Variants in ABHD12 observed in about 807,000 individuals in gnomAD.
The protein encoded by ABHD12 is abhydrolase domain containing 12, lysophospholipase, also known as lysophosphatidylserine lipase ABHD12.
In ABHD12, 43 loss-of-function variants were observed where a neutral mutation model predicts 58.3. That is an observed-to-expected ratio of 0.74 (90% CI 0.58 to 0.95). ABHD12 has a LOEUF of 0.95. Among genes scored for constraint, ABHD12 ranks in the 40% least tolerant of loss-of-function variants. The probability of loss-of-function intolerance (pLI) is 0.00; values close to 1 mark genes in which losing one functional copy is unlikely to be tolerated. For synonymous variants in ABHD12, 219 were observed against 211.2 expected (o/e 1.04, Z -0.32); for missense variants, 539 against 537.2 (o/e 1.00, Z -0.03).
At chr20:25,347,662 TA>T (rs36051321) in intron 1 of ABHD12, among the ~76,000 whole-genome samples, 89,429 of 149,690 alleles carry the variant, frequency 0.6, 27,592 homozygotes, top group African/African-American at 0.72. Context: ...TCTGTCTCTA[TA>T]AAAAAAAAAA....
chr20:25,317,164 G>A (rs1432740416), intron 4 of ABHD12, 86 bp from the exon 5 acceptor site: 4 of 890,700 alleles, frequency 4.5e-6, no homozygotes, highest in Non-Finnish European at 7.4e-6. Context: ...CCAAACCAGG[G>A]GGAGGCCAAT....
At position 25,306,931 on chromosome 20, in the gene ABHD12, A is replaced by G. The variant is rs2088754437; in HGVS notation, c.868-16T>C. 6.3e-7 allele frequency: 1 copy of G among 1,583,774 alleles called. No individual in the cohort carries two copies. Among genetic ancestry groups the G allele is most frequent in the African/African-American group, 1.3e-5 (1 of 74,474 alleles). The stretch of plus-strand genomic sequence containing the variant: ...ATCGATATATCTGGAGACAAGATGG[A>G]AACCATTTTCAGAAGCGTTGGTTAA... On this transcript the variant is annotated splice_polypyrimidine_tract_variant and intron_variant, in intron 9 of 12. Transcript: ENST00000339157.
At chr20:25,349,245 T>C (rs921917766) in intron 1 of ABHD12, among the ~76,000 whole-genome samples, 6 of 152,080 alleles carry the variant, frequency 3.9e-5, no homozygotes, top group Non-Finnish European at 8.8e-5. Context: ...GTTTCAAATA[T>C]GAAGAGATAC....
intron 1 of ABHD12, 39 bp downstream of exon 1, chr20:25,390,474 C>CGGGGG: frequency 1.9e-6 from 2 of 1,079,066 alleles, no homozygotes; most frequent in Non-Finnish European, 2.3e-6. Context: ...AAGTGAGGGA[C>CGGGGG]CGGCCCCCCC....
chr20:25,379,281 A>G (rs1341945707), intron 1 of ABHD12, among the ~76,000 whole-genome samples: 1 of 152,194 alleles, frequency 6.6e-6, no homozygotes, highest in Non-Finnish European at 1.5e-5. Flanking sequence ...TAAAAACATT[A>G]AATGTCAGAA....
At chr20:25,360,158 T>A (rs1018794973) in intron 1 of ABHD12, among the ~76,000 whole-genome samples, 1 of 151,636 alleles carries the variant, frequency 6.6e-6, no homozygotes, top group Non-Finnish European at 1.5e-5. Context: ...GGATTCTAAA[T>A]TTCTGTATCT....
chr20:25,300,930 A>C (rs374285682), intron 12 of ABHD12, 46 bp from the exon 13 acceptor site: 23 of 1,593,158 alleles, frequency 1.4e-5, no homozygotes, highest in Non-Finnish European at 1.9e-5. Flanking sequence ...GCTCAGACCA[A>C]AGATCCTTCT....
At chr20:25,328,562 T>C (rs1340201931) in intron 2 of ABHD12, among the ~76,000 whole-genome samples, 1 of 152,212 alleles carries the variant, frequency 6.6e-6, no homozygotes, top group African/African-American at 2.4e-5. Flanking sequence ...TGCAGAAGAA[T>C]GCCAAGCTCT....
chr20:25,363,753 T>C (rs530749499), intron 1 of ABHD12, among the ~76,000 whole-genome samples: 1 of 151,964 alleles, frequency 6.6e-6, no homozygotes, highest in Non-Finnish European at 1.5e-5. Flanking sequence ...TAATCTCAGA[T>C]ACTTGGGAGG....
At chr20:25,313,578 AAAAATAAAATAAAAT>A (rs56792874) in intron 6 of ABHD12, among the ~76,000 whole-genome samples, 133 of 131,684 alleles carry the variant, frequency 1.0e-3, no homozygotes, top group South Asian at 2.9e-3. Context: ...AATGATCAAT[AAAAATAAAATAAAAT>A]AAAATAAAAT....
At chr20:25,311,910 G>A (rs918412085) in intron 6 of ABHD12, among the ~76,000 whole-genome samples, 2 of 151,854 alleles carry the variant, frequency 1.3e-5, no homozygotes, top group South Asian at 2.1e-4. Flanking sequence ...GTTTTGCCAC[G>A]CTGCCCAGGC....
intron 1 of ABHD12, among the ~76,000 whole-genome samples, chr20:25,382,844 G>A (rs973325553): frequency 7.2e-5 from 11 of 152,310 alleles, no homozygotes; most frequent in African/African-American, 2.6e-4. Flanking sequence ...AGAAGGCAGT[G>A]GCAAAGCACC....
At chr20:25,331,076 G>C (rs1486616132) in intron 2 of ABHD12, among the ~76,000 whole-genome samples, 2 of 152,142 alleles carry the variant, frequency 1.3e-5, no homozygotes, top group African/African-American at 4.8e-5. Context: ...AAAAAATTTA[G>C]AAGAATGTAT....
At chr20:25,345,116 C>T (rs985695963) in intron 1 of ABHD12, among the ~76,000 whole-genome samples, 5 of 150,574 alleles carry the variant, frequency 3.3e-5, no homozygotes, top group Admixed American at 6.6e-5. Flanking sequence ...GATGGAGTCT[C>T]GCTCTGTCAC....
intron 1 of ABHD12, among the ~76,000 whole-genome samples, chr20:25,344,518 G>A (rs184006920): frequency 6.6e-5 from 10 of 152,288 alleles, no homozygotes; most frequent in South Asian, 2.1e-4. Flanking sequence ...CTGATGAAAC[G>A]TATAAAGGAA....
intron 6 of ABHD12, chr20:25,310,061 T>G: frequency 7.9e-5 from 13 of 164,584 alleles, no homozygotes; most frequent in Admixed American, 2.4e-4. Flanking sequence ...TGAAAGCCTC[T>G]GCCACCACCA....
chr20:25,389,038 T>G, intron 1 of ABHD12, among the ~76,000 whole-genome samples: 1 of 152,166 alleles, frequency 6.6e-6, no homozygotes, highest in Non-Finnish European at 1.5e-5. Context: ...ACTCCTGACC[T>G]CTGATAATCT....
downstream of ABHD12, among the ~76,000 whole-genome samples, chr20:25,296,025 G>A (rs960108784): frequency 3.9e-5 from 6 of 152,216 alleles, no homozygotes; most frequent in Admixed American, 3.9e-4. Context: ...AGGCTCCCTG[G>A]TGGAAGGAGA....
intron 4 of ABHD12, among the ~76,000 whole-genome samples, chr20:25,319,987 C>T (rs548491986): frequency 2.0e-5 from 3 of 152,352 alleles, no homozygotes; most frequent in East Asian, 3.9e-4. Flanking sequence ...TTCATGTAAA[C>T]GTCACCTAAA....
Sources: allele counts gnomAD v4.1 joint callset (sites outside exome capture counted in the v4.1 genomes callset), GRCh38; gene constraint gnomAD v4.1.1; transcripts MANE v1.5; gene names NCBI Gene and HGNC (gene_info 2026-07-23, HGNC 2026-07-21).